Variants in PAQR9 observed in about 807,000 individuals in gnomAD.
PAQR9 encodes the protein progestin and adipoQ receptor family member 9.
A neutral mutation model predicts 24.0 loss-of-function variants in PAQR9; 12 were observed. That is an observed-to-expected ratio of 0.50 (90% CI 0.32 to 0.81). The LOEUF (loss-of-function observed/expected upper bound fraction) is 0.81. Among genes scored for constraint, PAQR9 ranks in the 30% least tolerant of loss-of-function variants. The pLI is 0.03. For synonymous variants in PAQR9, 266 were observed against 237.6 expected, an observed-to-expected ratio of 1.12 and a Z score of -1.10; for missense variants, 418 against 520.8, an observed-to-expected ratio of 0.80 and a Z score of 1.92.
chr3:142,956,286 G>A lies in PAQR9; in HGVS notation c.*5917C>T, dbSNP rs1444765607. On this transcript the variant is annotated 3_prime_UTR_variant, in exon 1 of 1. Coordinates refer to ENST00000340634, the MANE Select transcript of PAQR9 (RefSeq NM_198504.4). Reference sequence around the variant, plus strand: ...TGGGAGAAGCAGGGCCATCTTTACAGCACGGCCAAATGACCACCTGAAGAC... The same window carrying A: ...TGGGAGAAGCAGGGCCATCTTTACAACACGGCCAAATGACCACCTGAAGAC... Among the ~76,000 whole-genome samples the A allele has an allele frequency of 6.6e-6, 1 of 152,126 alleles. No individual in the cohort carries two copies. Among genetic ancestry groups the A allele is most frequent in the Non-Finnish European group, 1.5e-5 (1 of 68,038 alleles).
In PAQR9 at chr3:142,955,166, C is replaced by T. The variant is rs1169176732; in HGVS notation, c.*7037G>A. Among the ~76,000 whole-genome samples, 4 of 152,048 alleles carry T rather than the reference C, an allele frequency of 2.6e-5. No homozygotes were observed. Among genetic ancestry groups the T allele is most frequent in the Non-Finnish European group, 5.9e-5 (4 of 68,016 alleles). On this transcript the variant is annotated 3_prime_UTR_variant, in exon 1 of 1. Coordinates refer to ENST00000340634, the MANE Select transcript of PAQR9 (RefSeq NM_198504.4). ...ACCTGAGGAAAAAATGAGTATGCCC[C>T]TTCAAGTATAATGCCCTTTACTGCA...
Position 142,963,082 on chromosome 3 carries a change from G to T in PAQR9, c.255C>A (p.Leu85=), listed in dbSNP as rs370837233. 14 of 1,614,132 alleles carry T rather than the reference G, an allele frequency of 8.7e-6. No homozygotes were observed. Among genetic ancestry groups the T allele is most frequent in the Non-Finnish European group, 1.1e-5 (13 of 1,179,996 alleles). The change falls in exon 1 of 1, where the codon CTC becomes CTA. Residue 85 remains leucine (L), a synonymous_variant. Coordinates refer to ENST00000340634, the MANE Select transcript of PAQR9 (RefSeq NM_198504.4). ...GCGGGATGAAGTGCGTCCAGAAGTTGAGCGTCTCGTTGGTAGGCTTCAGCA... is the reference window on the plus strand; with the variant it reads ...GCGGGATGAAGTGCGTCCAGAAGTTTAGCGTCTCGTTGGTAGGCTTCAGCA... ...ASVLKPTNET[L]NFWTHFIPLL...
chr3:142,949,250 A>G (rs779616887), exon 3 of PAQR9: 35 of 152,230 alleles, frequency 2.3e-4, no homozygotes, highest in Non-Finnish European at 4.1e-4. Context: ...CTGTGTAACT[A>G]AAGTAAGAAT....
downstream of PAQR9, chr3:142,950,346 A>G: frequency 5.9e-6 from 1 of 168,510 alleles, no homozygotes; most frequent in Non-Finnish European, 1.3e-5. Flanking sequence ...GCTCTGTTAA[A>G]TTGTGATTCT....
rs1934936885 is a variant in PAQR9 at position 142,962,995 on chromosome 3, G to A, written c.342C>T (p.Phe114=). The part of the protein sequence containing the change: ...LFFLSGGDVP[F]HHPWLLPLWC... Reference sequence around the variant, plus strand: ...ACAACGGTAGCAGCCACGGGTGGTGGAAGGGCACGTCGCCGCCGCTCAGGA... The same window carrying A: ...ACAACGGTAGCAGCCACGGGTGGTGAAAGGGCACGTCGCCGCCGCTCAGGA... The change falls in exon 1 of 1, where the codon TTC becomes TTT. Residue 114 remains phenylalanine, a synonymous_variant. Coordinates refer to ENST00000340634, the MANE Select transcript of PAQR9 (RefSeq NM_198504.4). 1 of 1,614,014 alleles carries A rather than the reference G, an allele frequency of 6.2e-7. No individual in the cohort carries two copies. Among genetic ancestry groups the A allele is most frequent in the African/African-American group, 1.3e-5 (1 of 74,946 alleles).
rs1290131806 is a variant in PAQR9 at position 142,956,732 on chromosome 3, A to G, written c.*5471T>C. 6.6e-6 allele frequency among the ~76,000 whole-genome samples: 1 copy of G among 152,216 alleles called. No homozygotes were observed. Among genetic ancestry groups the G allele is most frequent in the Non-Finnish European group, 1.5e-5 (1 of 68,034 alleles). ...CTTGCTCACAGATTCTTAAGGAGCC[A>G]CTCTAGAACAAAAATGCCTACAAAC... On this transcript the variant is annotated 3_prime_UTR_variant, in exon 1 of 1. Coordinates refer to ENST00000340634, the MANE Select transcript of PAQR9 (RefSeq NM_198504.4).
rs1934912008 is a variant in PAQR9, at chr3:142,962,321, G to A, written c.1016C>T (p.Ala339Val). ...CGAGAAAGTGGGTGCGGCAGGCGGC[G>A]CCTGGAGGAACTGGCGCAGGCCCTC... ...VEEGLRQFLQAPPAAPTFSGT... is the reference protein window; with the variant it reads ...VEEGLRQFLQVPPAAPTFSGT... Residue 339 changes from alanine to valine, a missense_variant, in exon 1 of 1, where the codon GCG (alanine) becomes GTG (valine). By Grantham distance (64) the Ala-to-Val change is moderately conservative. This residue lies in a region of PAQR9 where 230 missense variants were observed against 305.2 expected (regional missense o/e 0.75). Transcript: ENST00000340634. The A allele has an allele frequency of 1.1e-5, 18 of 1,613,862 alleles. No individual in the cohort carries two copies. Among genetic ancestry groups the A allele is most frequent in the Non-Finnish European group, 1.5e-5 (18 of 1,179,984 alleles).
At chr3:142,952,844 G>A, downstream of PAQR9, 1 of 456,672 alleles carries the variant, frequency 2.2e-6, no homozygotes, top group Non-Finnish European at 4.4e-6. Flanking sequence ...TGTCCCCTTG[G>A]CAGAACCTAA....
rs1934820021 is a variant in PAQR9, at chr3:142,957,933, A to T, written c.*4270T>A. Reference sequence around the variant, plus strand: ...AGACCCAAACTCAGGGACTTACGGCATTCTACCTACAGCCAAGGTCAGAGT... The same window carrying T: ...AGACCCAAACTCAGGGACTTACGGCTTTCTACCTACAGCCAAGGTCAGAGT... On this transcript the variant is annotated 3_prime_UTR_variant, in exon 1 of 1. Coordinates refer to ENST00000340634, the MANE Select transcript of PAQR9 (RefSeq NM_198504.4). Among the ~76,000 whole-genome samples, 3 of 152,222 alleles carry T rather than the reference A, an allele frequency of 2.0e-5. No individual in the cohort carries two copies. The highest frequency in any genetic ancestry group is 7.2e-5 in the African/African-American group (3 of 41,468).
At chr3:142,952,707 G>T (rs1191432316), downstream of PAQR9, 4 of 455,738 alleles carry the variant, frequency 8.8e-6, no homozygotes, top group Non-Finnish European at 1.8e-5. Flanking sequence ...CTTCCCTCAG[G>T]ATTACACTGT....
At chr3:142,951,324 T>G (rs2108237329), downstream of PAQR9, among the ~76,000 whole-genome samples, 1 of 152,352 alleles carries the variant, frequency 6.6e-6, no homozygotes, top group East Asian at 1.9e-4. Flanking sequence ...TAGGTAATTA[T>G]TTTCCTAGTG....
downstream of PAQR9, among the ~76,000 whole-genome samples, chr3:142,953,192 A>C (rs1310717497): frequency 6.6e-6 from 1 of 152,128 alleles, no homozygotes; most frequent in Non-Finnish European, 1.5e-5. Flanking sequence ...CCTCTCAGCT[A>C]GCCAATTCTC....
rs769292563 is a variant in PAQR9, at chr3:142,962,434, C to T, written c.903G>A (p.Pro301=). Residue 301 remains proline, a synonymous_variant, in exon 1 of 1, where the codon CCG becomes CCA. Coordinates refer to ENST00000340634, the MANE Select transcript of PAQR9 (RefSeq NM_198504.4). Reference sequence around the variant, plus strand: ...TGTGGCCGATAATGTCGAAAAGACCCGGCTGGATGCGCTCGGGGATCTTGC... The same window carrying T: ...TGTGGCCGATAATGTCGAAAAGACCTGGCTGGATGCGCTCGGGGATCTTGC... ...NVSKIPERIQ[P]GLFDIIGHSH... 47 of 1,613,880 alleles carry T rather than the reference C, an allele frequency of 2.9e-5. No individual in the cohort carries two copies. Among genetic ancestry groups the T allele is most frequent in the Non-Finnish European group, 3.6e-5 (43 of 1,179,990 alleles).
Position 142,963,257 on chromosome 3 carries a change from C to G in PAQR9, c.80G>C (p.Arg27Pro), listed in dbSNP as rs747061724. Residue 27 changes from arginine to proline, a missense_variant, in exon 1 of 1, where the codon CGG (arginine) becomes CCG (proline). Physicochemically the swap from Arg to Pro is moderately radical, Grantham distance 103. This residue lies in a region of PAQR9 where 180 missense variants were observed against 190.3 expected (regional missense o/e 0.95). Transcript: ENST00000340634. The part of the protein sequence containing the change: ...APAPAASGAA[R>P]NSHSAASRDP... ...CCGGGAGGCGGCAGAGTGGGAGTTC[C>G]GGGCGGCCCCCGAAGCTGCCGGGGC... 1.3e-6 allele frequency: 2 copies of G among 1,526,344 alleles called. No homozygotes were observed. The highest frequency in any genetic ancestry group is 2.4e-5 in the South Asian group (2 of 82,708). The allele number at this position is 1,526,344 out of a possible 1,614,324, so 94.6% of individuals were successfully genotyped here.
At position 142,961,801 on chromosome 3, in the gene PAQR9, A is replaced by G. The variant is rs1934894546; in HGVS notation, c.*402T>C. 5.9e-6 allele frequency: 1 copy of G among 170,604 alleles called. No individual in the cohort carries two copies. The highest frequency in any genetic ancestry group is 1.3e-5 in the Non-Finnish European group (1 of 78,708). 10.6% of individuals were successfully genotyped at this position (170,604 alleles called of 1,614,324 possible). ...CAGACTGAAACAGAAGTTCCCAAGG[A>G]TTCTATTTACCCTCTTTACTGTGTA... is the stretch of plus-strand genomic sequence containing the variant. On this transcript the variant is annotated 3_prime_UTR_variant, in exon 1 of 1. Coordinates refer to ENST00000340634, the MANE Select transcript of PAQR9 (RefSeq NM_198504.4).
In PAQR9 at chr3:142,958,650, T is replaced by C. The variant is rs980803953; in HGVS notation, c.*3553A>G. Among the ~76,000 whole-genome samples, 1 of 152,210 alleles carries C rather than the reference T, an allele frequency of 6.6e-6. No homozygotes were observed. Among genetic ancestry groups the C allele is most frequent in the Non-Finnish European group, 1.5e-5 (1 of 68,038 alleles). ...ATTCTTAGAAATGATTCCTATGAAG[T>C]ATCACTATAAATTAGGCTAAATTGT... On this transcript the variant is annotated 3_prime_UTR_variant, in exon 1 of 1. Transcript: ENST00000340634.
Position 142,959,225 on chromosome 3 carries a change from T to C in PAQR9, c.*2978A>G, listed in dbSNP as rs995174275. Among the ~76,000 whole-genome samples, 3 of 152,080 alleles carry C rather than the reference T, an allele frequency of 2.0e-5. No homozygotes were observed. Among genetic ancestry groups the C allele is most frequent in the African/African-American group, 7.2e-5 (3 of 41,382 alleles). On this transcript the variant is annotated 3_prime_UTR_variant, in exon 1 of 1. Transcript: ENST00000340634. ...GTGGCAAAATGGAAAGTGTGAAAAA[T>C]ATTTTAAAATATATATTGTTCTGAT...
chr3:142,962,588 G>C lies in PAQR9; in HGVS notation c.749C>G (p.Pro250Arg), dbSNP rs760912787. 6.2e-7 allele frequency: 1 copy of C among 1,613,858 alleles called. No homozygotes were observed. The highest frequency in any genetic ancestry group is 8.5e-7 in the Non-Finnish European group (1 of 1,180,010). The change falls in exon 1 of 1, where the codon CCG (proline) becomes CGG (arginine). Residue 250 changes from proline (P) to arginine (R), a missense_variant. By Grantham distance (103) the Pro-to-Arg change is moderately radical (BLOSUM62 -2). This residue lies in a region of PAQR9 where 230 missense variants were observed against 305.2 expected (regional missense o/e 0.75). Coordinates refer to ENST00000340634, the MANE Select transcript of PAQR9 (RefSeq NM_198504.4). ...CATAATGGGGCAGGCCATGCTGAGC[G>C]GCATGACGAAGACGAAGGTGCGCAG... The part of the protein sequence containing the change: ...FALRTFVFVM[P>R]LSMACPIMLE...
downstream of PAQR9, chr3:142,950,461 C>G (rs904266876): frequency 6.6e-5 from 18 of 273,958 alleles, no homozygotes; most frequent in Non-Finnish European, 1.5e-5. Flanking sequence ...TTCAGTTCAG[C>G]TTTTTACTTG....
Sources: gnomAD v4.1 joint callset for allele counts (sites outside exome capture counted in the v4.1 genomes callset) on GRCh38, gnomAD v4.1.1 for gene constraint, gnomAD v4.1.1 regional missense constraint, MANE v1.5 for transcripts, NCBI Gene and HGNC (gene_info 2026-07-23, HGNC 2026-07-21) for gene names.